Variants in MID1 observed in about 807,000 individuals in gnomAD.
The protein encoded by MID1 is E3 ubiquitin-protein ligase Midline-1.
In MID1, 7 loss-of-function variants were observed where a neutral mutation model predicts 40.4. The ratio of observed to expected loss-of-function variants is 0.17; its 90% CI spans 0.10 to 0.33. MID1 has a LOEUF of 0.33. Among genes scored for constraint, MID1 ranks in the 10% least tolerant of loss-of-function variants. MID1 has a pLI of 1.00. For synonymous variants in MID1, 229 were observed against 221.2 expected, an observed-to-expected ratio of 1.04 and a Z score of -0.31; for missense variants, 367 against 558.5, an observed-to-expected ratio of 0.66 and a Z score of 3.46.
chrX:10,617,349 C>G (rs764615032), intron 1 of MID1, among the ~76,000 whole-genome samples: 1 of 111,921 alleles, frequency 8.9e-6, no homozygotes, highest in African/African-American at 3.2e-5. Flanking sequence ...AAGATTAATA[C>G]GAAGACTTTC....
chrX:10,663,588 G>A (rs1269711787), intron 1 of MID1, among the ~76,000 whole-genome samples: 1 of 111,431 alleles, frequency 9.0e-6, no homozygotes, highest in Non-Finnish European at 1.9e-5. Flanking sequence ...CCAGAATGAA[G>A]TACTCTGAGC....
intron 8 of MID1, among the ~76,000 whole-genome samples, chrX:10,458,572 T>C (rs1407817139): frequency 8.9e-6 from 1 of 112,230 alleles, no homozygotes; most frequent in Non-Finnish European, 1.9e-5. Flanking sequence ...CTCTGTATTA[T>C]CTATGGATTT....
intron 1 of MID1, among the ~76,000 whole-genome samples, chrX:10,815,022 T>C (rs1383201769): frequency 1.8e-5 from 2 of 112,181 alleles, no homozygotes; most frequent in African/African-American, 6.5e-5. Flanking sequence ...GTGCAGGTTT[T>C]TTGTGAACAT....
intron 1 of MID1, among the ~76,000 whole-genome samples, chrX:10,640,173 T>C (rs1341976263): frequency 1.8e-5 from 2 of 111,866 alleles, no homozygotes; most frequent in Admixed American, 9.5e-5. Context: ...CAATATTAAC[T>C]TTAAATGTAA....
chrX:10,515,679 A>G, intron 3 of MID1, among the ~76,000 whole-genome samples: 1 of 111,813 alleles, frequency 8.9e-6, no homozygotes. Context: ...AATGGTAAGG[A>G]CTGCTGAGCC....
intron 5 of MID1, among the ~76,000 whole-genome samples, chrX:10,480,627 G>A (rs1930267008): frequency 8.9e-6 from 1 of 111,784 alleles, no homozygotes; most frequent in African/African-American, 3.3e-5. Context: ...TGAGCAACTG[G>A]ATATGGCCCA....
intron 1 of MID1, among the ~76,000 whole-genome samples, chrX:10,797,052 C>T (rs980840371): frequency 7.3e-5 from 8 of 109,742 alleles, no homozygotes; most frequent in Non-Finnish European, 1.5e-4. Context: ...ACCCTGGGCC[C>T]CCATTTAAAC....
At chrX:10,709,603 C>T (rs912605899) in intron 1 of MID1, among the ~76,000 whole-genome samples, 4 of 112,170 alleles carry the variant, frequency 3.6e-5, no homozygotes, top group African/African-American at 1.3e-4. Flanking sequence ...TGACCACCAT[C>T]ATAGTTGTCA....
intron 1 of MID1, among the ~76,000 whole-genome samples, chrX:10,823,366 A>T (rs1362888306): frequency 9.0e-6 from 1 of 111,364 alleles, no homozygotes; most frequent in Non-Finnish European, 1.9e-5. Flanking sequence ...TAGCTAATGC[A>T]TGCTGGGCTT....
intron 1 of MID1, among the ~76,000 whole-genome samples, chrX:10,684,173 A>G (rs1157622640): frequency 9.0e-6 from 1 of 111,055 alleles, no homozygotes; most frequent in Non-Finnish European, 1.9e-5. Flanking sequence ...GAAAATGTGG[A>G]TATTAAAAGA....
rs1928270412 is a variant in MID1 at position 10,450,547 on chromosome X, CAAT to C, written c.1656-834_1656-832del. On this transcript the variant is annotated intron_variant, in intron 9 of 9. Coordinates refer to ENST00000317552, the MANE Select transcript of MID1 (RefSeq NM_000381.4). Reference sequence around the variant, plus strand: ...ATTATTGCCTGATGGCACATATTAACAATAAGTACCAGAATCAGAATTTGAACT... The same window carrying C: ...ATTATTGCCTGATGGCACATATTAACAAGTACCAGAATCAGAATTTGAACT... Among the ~76,000 whole-genome samples, 3 of 112,470 alleles carry C rather than the reference CAAT, an allele frequency of 2.7e-5. No individual in the cohort carries two copies. The Admixed American group carries it at 2.8e-4, about 11-fold the overall frequency.
intron 1 of MID1, among the ~76,000 whole-genome samples, chrX:10,604,042 C>T (rs958139395): frequency 1.2e-4 from 13 of 111,279 alleles, no homozygotes; most frequent in Non-Finnish European, 2.5e-4. Context: ...TTAATGCCAA[C>T]GGTAACATAC....
chrX:10,531,252 C>T (rs1268918334), intron 2 of MID1, among the ~76,000 whole-genome samples: 1 of 112,175 alleles, frequency 8.9e-6, no homozygotes, highest in Admixed American at 9.4e-5. Context: ...TGTATAAAAG[C>T]ATAAATTCTT....
chrX:10,482,061 A>T (rs910280144), intron 5 of MID1, among the ~76,000 whole-genome samples: 7 of 110,821 alleles, frequency 6.3e-5, no homozygotes, highest in Non-Finnish European at 1.1e-4. Context: ...GTGTGATTTT[A>T]AAAAAAAATA....
intron 1 of MID1, among the ~76,000 whole-genome samples, chrX:10,677,216 T>C (rs1881602043): frequency 8.9e-6 from 1 of 112,194 alleles, no homozygotes; most frequent in Non-Finnish European, 1.9e-5. Context: ...AAAATTCATT[T>C]TTTTAAAAAT....
intron 1 of MID1, among the ~76,000 whole-genome samples, chrX:10,758,925 T>C (rs988485810): frequency 8.9e-6 from 1 of 112,175 alleles, no homozygotes; most frequent in African/African-American, 3.2e-5. Flanking sequence ...AACAAGCAAA[T>C]GAAGCAAACA....
intron 1 of MID1, among the ~76,000 whole-genome samples, chrX:10,636,886 CTGTG>C (rs36101583): frequency 3.8e-4 from 34 of 89,821 alleles, no homozygotes; most frequent in East Asian, 1.0e-3. Flanking sequence ...TCTTAAAACG[CTGTG>C]TGTGTGTGTG....
intron 1 of MID1, among the ~76,000 whole-genome samples, chrX:10,674,766 C>T (rs1216232705): frequency 8.9e-6 from 1 of 111,813 alleles, no homozygotes; most frequent in Admixed American, 9.5e-5. Flanking sequence ...GCCAGCATTC[C>T]GTAAACAATT....
chrX:10,551,205 C>A (rs748666730), intron 2 of MID1, among the ~76,000 whole-genome samples: 1 of 112,250 alleles, frequency 8.9e-6, no homozygotes, highest in South Asian at 3.7e-4. Context: ...ATGTTCAGTA[C>A]AAACAAATGT....
Sources: allele counts gnomAD v4.1 joint callset (sites outside exome capture counted in the v4.1 genomes callset), GRCh38; gene constraint gnomAD v4.1.1; transcripts MANE v1.5; gene names NCBI Gene and HGNC (gene_info 2026-07-23, HGNC 2026-07-21).